The following ALG14 variants were observed in gnomAD, a reference collection of about 807,000 sequenced individuals.
ALG14 encodes ALG14 UDP-N-acetylglucosaminyltransferase subunit.
Under a neutral mutation model 22.8 loss-of-function variants are expected in ALG14, and 17 were observed. The observed-to-expected ratio is 0.75, with a 90% confidence interval of 0.51 to 1.12. The LOEUF (loss-of-function observed/expected upper bound fraction) is 1.12. Among genes scored for constraint, ALG14 ranks in the 50% most tolerant of loss-of-function variants. The probability of loss-of-function intolerance (pLI) is 0.00; values close to 1 mark genes in which losing one functional copy is unlikely to be tolerated. For missense variants in ALG14, 288 were observed against 271.8 expected (o/e 1.06, Z -0.42); for synonymous variants, 89 against 103.7 (o/e 0.86, Z 0.86).
chr1:95,004,439 CT>C (rs1265666242), intron 3 of ALG14, among the ~76,000 whole-genome samples: 3 of 152,026 alleles, frequency 2.0e-5, no homozygotes, highest in Middle Eastern at 3.4e-3. Flanking sequence ...CCAGGATGGT[CT>C]CGAACTCCTG....
chr1:95,018,322 G>A (rs1571611540), intron 3 of ALG14, among the ~76,000 whole-genome samples: 2 of 152,054 alleles, frequency 1.3e-5, no homozygotes, highest in African/African-American at 4.8e-5. Context: ...GATCACTTGA[G>A]GTCAGGAGTT....
chr1:95,060,549 T>C (rs1675108740), intron 2 of ALG14, among the ~76,000 whole-genome samples: 1 of 146,696 alleles, frequency 6.8e-6, no homozygotes, highest in African/African-American at 2.5e-5. Context: ...ACCCTGTCTC[T>C]ATTAAAAAAA....
intron 2 of ALG14, among the ~76,000 whole-genome samples, chr1:95,056,322 A>C (rs952361504): frequency 6.6e-6 from 1 of 152,172 alleles, no homozygotes; most frequent in Admixed American, 6.5e-5. Context: ...GAAAGAAATC[A>C]ATTCCAGATG....
chr1:95,004,656 C>A (rs1296061692), intron 3 of ALG14, among the ~76,000 whole-genome samples: 2 of 146,952 alleles, frequency 1.4e-5, no homozygotes, highest in Non-Finnish European at 3.0e-5. Context: ...CCAGCCACCA[C>A]GCCTGGCTAA....
rs763590077 is a variant in ALG14 at position 95,072,871 on chromosome 1, C to A, written c.28G>T (p.Ala10Ser). The A allele has an allele frequency of 1.2e-6, 2 of 1,614,168 alleles. No individual in the cohort carries two copies. Among genetic ancestry groups the A allele is most frequent in the Admixed American group, 3.3e-5 (2 of 60,024 alleles). The stretch of plus-strand genomic sequence containing the variant: ...AGGAAAACCGCCACAGCTCCTGCGG[C>A]CGCAGCTAGAACGAGAACGCACACC... MVCVLVLAAAAGAVAVFLIL... is the reference protein window; with the variant it reads MVCVLVLAASAGAVAVFLIL... Residue 10 changes from alanine (A) to serine (S), a missense_variant, in exon 1 of 4, where the codon GCC (alanine) becomes TCC (serine). Coordinates refer to ENST00000370205, the MANE Select transcript of ALG14 (RefSeq NM_144988.4).
At chr1:95,058,218 G>A (rs528539330) in intron 2 of ALG14, among the ~76,000 whole-genome samples, 7 of 140,166 alleles carry the variant, frequency 5.0e-5, no homozygotes, top group South Asian at 4.7e-4. Flanking sequence ...CCAGGGAATC[G>A]GAAGTTGCCA....
chr1:94,987,527 T>A (rs922820777), intron 3 of ALG14, among the ~76,000 whole-genome samples: 3 of 152,196 alleles, frequency 2.0e-5, no homozygotes, highest in Non-Finnish European at 4.4e-5. Flanking sequence ...TACAAGGTCA[T>A]GAGCATAGAT....
intron 3 of ALG14, among the ~76,000 whole-genome samples, chr1:94,985,382 C>G (rs778903029): frequency 1.3e-5 from 2 of 152,208 alleles, no homozygotes; most frequent in African/African-American, 2.4e-5. Flanking sequence ...CTGGCCTCTA[C>G]CCACAAGATT....
intron 2 of ALG14, among the ~76,000 whole-genome samples, chr1:95,036,039 C>T (rs1557966005): frequency 6.6e-6 from 1 of 152,122 alleles, no homozygotes; most frequent in Non-Finnish European, 1.5e-5. Flanking sequence ...CCATAATTTA[C>T]CACAAAATTT....
intron 2 of ALG14, among the ~76,000 whole-genome samples, chr1:95,052,327 C>T (rs984112890): frequency 1.3e-5 from 2 of 152,038 alleles, no homozygotes; most frequent in Admixed American, 1.3e-4. Flanking sequence ...CTGTATAAAG[C>T]AATAATAATG....
chr1:95,047,500 C>T (rs541648783), intron 2 of ALG14, among the ~76,000 whole-genome samples: 25 of 152,156 alleles, frequency 1.6e-4, no homozygotes, highest in South Asian at 2.1e-4. Flanking sequence ...CCCACCACCA[C>T]GCCCAGCTAA....
rs1672448456 is a variant in ALG14, at chr1:94,979,044, G to C, written c.*4032C>G. On this transcript the variant is annotated 3_prime_UTR_variant, in exon 4 of 4. Transcript: ENST00000370205. ...TACACCTGTAATTCCAGCACTTTGG[G>C]AGGCCAAGATGGGTGGATCACCTGA... 1 of 152,034 alleles carries C rather than the reference G, an allele frequency of 6.6e-6. No homozygotes were observed. Among genetic ancestry groups the C allele is most frequent in the African/African-American group, 2.4e-5 (1 of 41,396 alleles). 9.4% of individuals were successfully genotyped at this position (152,034 alleles called of 1,614,324 possible).
At chr1:95,005,767 G>C (rs1673202896) in intron 3 of ALG14, among the ~76,000 whole-genome samples, 1 of 152,284 alleles carries the variant, frequency 6.6e-6, no homozygotes, top group Admixed American at 6.5e-5. Flanking sequence ...CTTACAGGGG[G>C]ATTTGTGTTT....
chr1:95,017,846 GGA>G, intron 3 of ALG14, among the ~76,000 whole-genome samples: 1 of 152,196 alleles, frequency 6.6e-6, no homozygotes, highest in Non-Finnish European at 1.5e-5. Context: ...ATGAGGCACT[GGA>G]GCTCCAAGGA....
chr1:95,027,149 G>T lies in ALG14; in HGVS notation c.400C>A (p.His134Asn). The part of the protein sequence containing the change: ...HSMWLSFPLI[H>N]RVKPDLVLCN... The stretch of plus-strand genomic sequence containing the variant: ...CTTACCAAATCTGGCTTCACCCTGT[G>T]AATTAGGGGAAAGGAGAGCCACATG... Residue 134 changes from histidine (H) to asparagine (N), a missense_variant, in exon 3 of 4, where the codon CAC (histidine) becomes AAC (asparagine). His to Asn is a moderately conservative substitution (Grantham distance 68). Coordinates refer to ENST00000370205, the MANE Select transcript of ALG14 (RefSeq NM_144988.4). The T allele has an allele frequency of 6.2e-7, 1 of 1,614,116 alleles. No individual in the cohort carries two copies. Among genetic ancestry groups the T allele is most frequent in the Non-Finnish European group, 8.5e-7 (1 of 1,179,994 alleles).
chr1:95,055,769 G>A (rs932556509), intron 2 of ALG14, among the ~76,000 whole-genome samples: 9 of 148,944 alleles, frequency 6.0e-5, no homozygotes, highest in Non-Finnish European at 1.2e-4. Context: ...CAGGCGGGCG[G>A]ATCACGAGGT....
intron 3 of ALG14, among the ~76,000 whole-genome samples, chr1:94,999,876 C>G (rs1219405052): frequency 1.3e-5 from 2 of 152,204 alleles, no homozygotes; most frequent in Admixed American, 1.3e-4. Flanking sequence ...GGGCCTTGCT[C>G]TTGATCTCCA....
chr1:95,003,928 T>C (rs1673136715), intron 3 of ALG14, among the ~76,000 whole-genome samples: 1 of 152,206 alleles, frequency 6.6e-6, no homozygotes, highest in Admixed American at 6.5e-5. Flanking sequence ...ATATCAGCAG[T>C]CCTTTCATTC....
At chr1:95,027,740 T>C (rs935334773) in intron 2 of ALG14, among the ~76,000 whole-genome samples, 24 of 152,352 alleles carry the variant, frequency 1.6e-4, no homozygotes, top group African/African-American at 5.1e-4. Context: ...GGATAACCAG[T>C]GTTGTTGAGA....
Sources: allele counts gnomAD v4.1 joint callset (sites outside exome capture counted in the v4.1 genomes callset), GRCh38; gene constraint gnomAD v4.1.1; transcripts MANE v1.5; gene names NCBI Gene and HGNC (gene_info 2026-07-23, HGNC 2026-07-21).